CDH9: variants seen among roughly 807,000 people sequenced by gnomAD.
The protein encoded by CDH9 is cadherin-9.
A neutral mutation model predicts 70.9 loss-of-function variants in CDH9; 28 were observed. That is an observed-to-expected ratio of 0.40 (90% CI 0.29 to 0.54). The LOEUF is 0.54. Ranked by LOEUF, CDH9 falls within the 20% of genes least tolerant of loss-of-function variation. The probability of loss-of-function intolerance (pLI) is 0.59; values close to 1 mark genes in which losing one functional copy is unlikely to be tolerated. For missense variants in CDH9, 874 were observed against 984.4 expected (o/e 0.89, Z 1.50); for synonymous variants, 409 against 343.1 (o/e 1.19, Z -2.12).
Position 26,889,950 on chromosome 5 carries a change from T to C in CDH9, c.1398A>G (p.Pro466=), listed in dbSNP as rs1469950776. 3 of 1,608,786 alleles carry C rather than the reference T, an allele frequency of 1.9e-6. No homozygotes were observed. The highest frequency in any genetic ancestry group is 2.7e-5 in the African/African-American group (2 of 74,562). The change falls in exon 9 of 12, where the codon CCA becomes CCG. Residue 466 remains proline (P), a synonymous_variant. Transcript: ENST00000231021. ...AGACAGGGATGTGGCTACTTTGTTT[T>C]GGGTTATCTGCAACGAGAACACGTG... ...ITVTATEINN[P]KQSSHIPVFI...
intron 2 of CDH9, among the ~76,000 whole-genome samples, chr5:26,972,262 C>T (rs913919969): frequency 6.6e-6 from 1 of 152,148 alleles, no homozygotes; most frequent in African/African-American, 2.4e-5. Flanking sequence ...AGATTGACGG[C>T]TGTCAGCAGC....
intron 2 of CDH9, among the ~76,000 whole-genome samples, chr5:26,966,002 G>C (rs1742123073): frequency 6.6e-6 from 1 of 152,142 alleles, no homozygotes; most frequent in Non-Finnish European, 1.5e-5. Context: ...ATGGAAATTT[G>C]AGGCTATAAA....
At chr5:27,012,796 C>A (rs1039910959) in intron 1 of CDH9, among the ~76,000 whole-genome samples, 2 of 151,966 alleles carry the variant, frequency 1.3e-5, no homozygotes, top group Non-Finnish European at 2.9e-5. Flanking sequence ...CTTATTAGAA[C>A]TCAGTAAAAT....
intron 11 of CDH9, among the ~76,000 whole-genome samples, chr5:26,883,081 ATATATATATATAT>A (rs1740498342): frequency 7.7e-6 from 1 of 130,176 alleles, no homozygotes; most frequent in African/African-American, 2.8e-5. Context: ...ATATATATAT[ATATATATATATAT>A]AAAACTGCAG....
At chr5:27,004,484 T>G (rs1742825182) in intron 1 of CDH9, among the ~76,000 whole-genome samples, 1 of 152,130 alleles carries the variant, frequency 6.6e-6, no homozygotes, top group African/African-American at 2.4e-5. Context: ...ATGATAGCTC[T>G]GGCTGCTACA....
chr5:26,923,969 T>G (rs1741292187), intron 2 of CDH9, among the ~76,000 whole-genome samples: 1 of 151,972 alleles, frequency 6.6e-6, no homozygotes, highest in African/African-American at 2.4e-5. Context: ...TCAAATAACC[T>G]AATAATACAT....
chr5:26,977,468 T>C (rs1000757613), intron 2 of CDH9, among the ~76,000 whole-genome samples: 5 of 122,816 alleles, frequency 4.1e-5, no homozygotes, highest in African/African-American at 1.8e-4. Flanking sequence ...GATATATATG[T>C]GTGCGTGTGT....
At chr5:27,008,615 G>A (rs562762352) in intron 1 of CDH9, among the ~76,000 whole-genome samples, 1 of 151,944 alleles carries the variant, frequency 6.6e-6, no homozygotes, top group South Asian at 2.1e-4. Context: ...TTCTATTACA[G>A]GGCAATAAAA....
intron 5 of CDH9, among the ~76,000 whole-genome samples, chr5:26,905,026 CTT>C (rs1740921348): frequency 6.6e-6 from 1 of 151,984 alleles, no homozygotes; most frequent in Non-Finnish European, 1.5e-5. Flanking sequence ...TCTCAGCAAA[CTT>C]TATTGTTTTA....
At chr5:26,882,561 A>G (rs1017874069) in intron 11 of CDH9, among the ~76,000 whole-genome samples, 1 of 152,088 alleles carries the variant, frequency 6.6e-6, no homozygotes, top group Non-Finnish European at 1.5e-5. Context: ...ATTTTAAAAG[A>G]AGCAAACACG....
At chr5:26,886,411 G>T (rs894991839) in intron 9 of CDH9, among the ~76,000 whole-genome samples, 22 of 152,026 alleles carry the variant, frequency 1.4e-4, no homozygotes, top group African/African-American at 4.8e-4. Flanking sequence ...GAAAGGCACA[G>T]TCCATTGTAT....
chr5:27,003,410 T>G (rs1349330222), intron 1 of CDH9, among the ~76,000 whole-genome samples: 2 of 152,052 alleles, frequency 1.3e-5, no homozygotes, highest in Non-Finnish European at 2.9e-5. Flanking sequence ...ACAGAGTAAT[T>G]TCCTTCCAAA....
intron 1 of CDH9, among the ~76,000 whole-genome samples, chr5:26,988,691 C>T (rs3811919): frequency 0.47 from 71,049 of 151,734 alleles, 17,456 homozygotes; most frequent in Non-Finnish European, 0.5. Context: ...AGTTCTACAG[C>T]ATACATATTA....
intron 1 of CDH9, 85 bp from the exon 2 acceptor site, chr5:26,988,467 C>T: frequency 1.7e-6 from 2 of 1,210,730 alleles, no homozygotes; most frequent in East Asian, 2.6e-5. Context: ...TTATTCCAGA[C>T]ATTATTTAAA....
intron 2 of CDH9, among the ~76,000 whole-genome samples, chr5:26,958,814 C>G (rs1741988314): frequency 6.6e-6 from 1 of 151,990 alleles, no homozygotes; most frequent in African/African-American, 2.4e-5. Flanking sequence ...ATAAGAATGA[C>G]TGGACAAAAA....
intron 1 of CDH9, among the ~76,000 whole-genome samples, chr5:27,012,842 C>T (rs1561040225): frequency 1.3e-5 from 2 of 152,060 alleles, no homozygotes. Flanking sequence ...TGATGCCAAA[C>T]ACTGATATTA....
chr5:26,957,565 G>A (rs981561103), intron 2 of CDH9, among the ~76,000 whole-genome samples: 3 of 152,100 alleles, frequency 2.0e-5, no homozygotes, highest in Admixed American at 6.6e-5. Context: ...AGGAGGCTGA[G>A]GAAGGAGAAT....
In CDH9 at chr5:26,902,595, A is replaced by G. The variant is rs1304034831; in HGVS notation, c.1134T>C (p.Asp378=). ...AVVKISVEDI[D]EPPVFTKVSY... is the part of the protein sequence containing the mutation. ...AGACTTTAGTGAACACAGGAGGCTC[A>G]TCTATATCTTCCACAGATATTTTGA... The change falls in exon 7 of 12, where the codon GAT becomes GAC. Residue 378 remains aspartate, a synonymous_variant. Transcript: ENST00000231021. 4.4e-6 allele frequency: 7 copies of G among 1,602,376 alleles called. No individual in the cohort carries two copies. The highest frequency in any genetic ancestry group is 1.7e-5 in the Admixed American group (1 of 59,874).
intron 1 of CDH9, among the ~76,000 whole-genome samples, chr5:27,004,259 G>A (rs1742821421): frequency 1.3e-5 from 2 of 152,074 alleles, no homozygotes; most frequent in Admixed American, 6.6e-5. Flanking sequence ...GAGAGAAGGT[G>A]GGTGGAGAAA....
Sources: allele counts gnomAD v4.1 joint callset (sites outside exome capture counted in the v4.1 genomes callset), GRCh38; gene constraint gnomAD v4.1.1; transcripts MANE v1.5; gene names NCBI Gene and HGNC (gene_info 2026-07-23, HGNC 2026-07-21).